Variants in TSPAN14 observed in about 807,000 individuals in gnomAD.
TSPAN14 encodes the protein tetraspanin 14, also known as tetraspanin-14.
Under a neutral mutation model 36.6 loss-of-function variants are expected in TSPAN14, and 16 were observed. The ratio of observed to expected loss-of-function variants is 0.44; its 90% CI spans 0.30 to 0.66. The LOEUF is 0.66. Among genes scored for constraint, TSPAN14 ranks in the 30% least tolerant of loss-of-function variants. The probability of loss-of-function intolerance (pLI) is 0.12; values close to 1 mark genes in which losing one functional copy is unlikely to be tolerated. For missense variants in TSPAN14, 231 were observed against 355.1 expected, an observed-to-expected ratio of 0.65 and a Z score of 2.81; for synonymous variants, 139 against 143.8, an observed-to-expected ratio of 0.97 and a Z score of 0.24.
At chr10:80,465,512 C>T (rs1286095206) in intron 1 of TSPAN14, among the ~76,000 whole-genome samples, 2 of 152,226 alleles carry the variant, frequency 1.3e-5, no homozygotes, top group Non-Finnish European at 2.9e-5. Flanking sequence ...AAAGGCATGG[C>T]AGCCCCCTGG....
intron 3 of TSPAN14, among the ~76,000 whole-genome samples, chr10:80,505,740 A>C (rs1311088578): frequency 6.6e-6 from 1 of 152,200 alleles, no homozygotes; most frequent in East Asian, 1.9e-4. Flanking sequence ...TGTGCCTCAC[A>C]GCACCACCGT....
chr10:80,457,171 A>G (rs754768780), intron 1 of TSPAN14, among the ~76,000 whole-genome samples: 6 of 152,224 alleles, frequency 3.9e-5, no homozygotes, highest in Non-Finnish European at 7.4e-5. Context: ...TGAAGTCTCA[A>G]TATGAGCTGG....
At position 80,516,269 on chromosome 10, in the gene TSPAN14, C is replaced by T. The variant is rs750973427; in HGVS notation, c.687C>T (p.Leu229=). ...GCATCCAGGCGCTGGAAAGCTGGCT[C>T]CCGCGGAACATTTACATTGTGGCTG... Residue 229 remains leucine (L), a synonymous_variant, in exon 8 of 9, where the codon CTC becomes CTT. Transcript: ENST00000429989. 7.9e-5 allele frequency: 127 copies of T among 1,614,110 alleles called. No individual in the cohort carries two copies. In the Middle Eastern group the frequency reaches 8.2e-4, roughly 10 times the overall value.
At chr10:80,467,711 G>A (rs1443508992) in intron 1 of TSPAN14, among the ~76,000 whole-genome samples, 1 of 152,124 alleles carries the variant, frequency 6.6e-6, no homozygotes, top group East Asian at 1.9e-4. Context: ...GGGTGGTGAT[G>A]ATCACCTCAA....
At chr10:80,475,511 C>G (rs1846813915) in intron 1 of TSPAN14, among the ~76,000 whole-genome samples, 1 of 152,098 alleles carries the variant, frequency 6.6e-6, no homozygotes, top group Non-Finnish European at 1.5e-5. Context: ...GATCCTGTCT[C>G]TAAAAAGAGA....
At chr10:80,508,525 G>A (rs1840435471) in intron 4 of TSPAN14, among the ~76,000 whole-genome samples, 1 of 152,198 alleles carries the variant, frequency 6.6e-6, no homozygotes, top group Admixed American at 6.5e-5. Flanking sequence ...AGCGCAGACT[G>A]CAGGCTGGGA....
At chr10:80,518,458 G>A (rs368680589) in exon 9 of TSPAN14, 7 of 172,334 alleles carry the variant, frequency 4.1e-5, no homozygotes, top group South Asian at 2.8e-4. Flanking sequence ...GGGCCTGCCC[G>A]TAACGGGAGG....
chr10:80,484,351 G>A (rs577437290), intron 1 of TSPAN14, among the ~76,000 whole-genome samples: 1 of 151,678 alleles, frequency 6.6e-6, no homozygotes, highest in Non-Finnish European at 1.5e-5. Flanking sequence ...TAAAGACCGG[G>A]TCTTGCTCTG....
At chr10:80,506,483 G>C (rs140781926) in intron 3 of TSPAN14, among the ~76,000 whole-genome samples, 1 of 152,154 alleles carries the variant, frequency 6.6e-6, no homozygotes, top group Non-Finnish European at 1.5e-5. Flanking sequence ...TGGTCTCTCC[G>C]GTCCCTTAGT....
rs1046101966 is a variant in TSPAN14 at position 80,454,379 on chromosome 10, G to C, written c.-18+8G>C. 7 of 152,760 alleles carry C rather than the reference G, an allele frequency of 4.6e-5. No individual in the cohort carries two copies. Among genetic ancestry groups the C allele is most frequent in the African/African-American group, 1.7e-4 (7 of 41,448 alleles). The allele number at this position is 152,760 out of a possible 1,614,324, so 9.5% of individuals were successfully genotyped here. On this transcript the variant is annotated splice_region_variant and intron_variant, in intron 1 of 8. Coordinates refer to ENST00000429989, the Ensembl canonical transcript of TSPAN14. Reference sequence around the variant, plus strand: ...TGCCGCCGCCGCGCGCGGGTGAGTAGAGCGCGGAGACCTGGCTGGGGCGTC... The same window carrying C: ...TGCCGCCGCCGCGCGCGGGTGAGTACAGCGCGGAGACCTGGCTGGGGCGTC...
chr10:80,485,608 A>C (rs1308870707), intron 1 of TSPAN14: 1 of 985,130 alleles, frequency 1.0e-6, no homozygotes, highest in East Asian at 1.1e-4. Flanking sequence ...TCTTCAGCTT[A>C]AACTATGTGG....
chr10:80,455,502 C>G (rs184797237), intron 1 of TSPAN14, among the ~76,000 whole-genome samples: 2 of 152,124 alleles, frequency 1.3e-5, no homozygotes, highest in Non-Finnish European at 2.9e-5. Context: ...AGAGAGTGGC[C>G]TGCCAAATCC....
At chr10:80,490,328 G>T (rs1332340857) in intron 2 of TSPAN14, among the ~76,000 whole-genome samples, 1 of 152,184 alleles carries the variant, frequency 6.6e-6, no homozygotes, top group African/African-American at 2.4e-5. Flanking sequence ...GGCTGGACCA[G>T]ATGAGAGCAT....
chr10:80,486,771 T>G (rs145220699), intron 1 of TSPAN14, among the ~76,000 whole-genome samples: 97 of 152,348 alleles, frequency 6.4e-4, no homozygotes, highest in African/African-American at 2.2e-3. Flanking sequence ...TTCTGCCTCA[T>G]AAGGCATTTC....
chr10:80,464,439 G>C (rs1193648311), intron 1 of TSPAN14, among the ~76,000 whole-genome samples: 1 of 152,218 alleles, frequency 6.6e-6, no homozygotes, highest in African/African-American at 2.4e-5. Flanking sequence ...GTGAGAGCAT[G>C]TTGGAGGTGC....
rs139869649 is a variant in TSPAN14, at chr10:80,513,185, C to T, written c.577-834C>T. On this transcript the variant is annotated intron_variant, in intron 6 of 8. Coordinates refer to ENST00000429989, the Ensembl canonical transcript of TSPAN14. ...AAGTGCTGGGATTACAGGTGTGGGC[C>T]GCTGTGCCTGTCCTGTCCTTTCTTT... Among the ~76,000 whole-genome samples the T allele has an allele frequency of 2.6e-3, 399 of 152,262 alleles. 2 individuals are homozygous for T. Among genetic ancestry groups the T allele is most frequent in the African/African-American group, 9.0e-3 (376 of 41,560 alleles).
chr10:80,471,360 C>T (rs1846541491), intron 1 of TSPAN14, among the ~76,000 whole-genome samples: 1 of 151,940 alleles, frequency 6.6e-6, no homozygotes. Flanking sequence ...CTAGGGAGGC[C>T]ACAGGGCCCA....
At chr10:80,491,569 C>A (rs1357672232) in intron 2 of TSPAN14, among the ~76,000 whole-genome samples, 1 of 152,170 alleles carries the variant, frequency 6.6e-6, no homozygotes, top group Non-Finnish European at 1.5e-5. Context: ...GCCCTGGTAT[C>A]TTCATTTCTT....
exon 9 of TSPAN14, chr10:80,522,203 T>C (rs1327585210): frequency 6.6e-6 from 1 of 152,220 alleles, no homozygotes; most frequent in Non-Finnish European, 1.5e-5. Context: ...GGTCTTCCAA[T>C]GCATGGTTTA....
Sources: allele counts gnomAD v4.1 joint callset (sites outside exome capture counted in the v4.1 genomes callset), GRCh38; gene constraint gnomAD v4.1.1; transcripts MANE v1.5; gene names NCBI Gene and HGNC (gene_info 2026-07-23, HGNC 2026-07-21).